Variants in KLRD1 observed in about 807,000 individuals in gnomAD.
KLRD1 encodes the protein natural killer cells antigen CD94.
In KLRD1, 21 loss-of-function variants were observed where a neutral mutation model predicts 22.6. The observed-to-expected ratio is 0.93, with a 90% CI of 0.66 to 1.34. KLRD1 has a LOEUF of 1.34. KLRD1 is among the 40% of genes most tolerant of loss of function. The pLI is 0.00. For synonymous variants in KLRD1, 59 were observed against 71.1 expected, an observed-to-expected ratio of 0.83 and a Z score of 0.85; for missense variants, 183 against 208.6, an observed-to-expected ratio of 0.88 and a Z score of 0.76.
chr12:10,296,444 A>T (rs1949822275), intron 1 of KLRD1, among the ~76,000 whole-genome samples: 1 of 151,920 alleles, frequency 6.6e-6, no homozygotes, highest in Admixed American at 6.6e-5. Flanking sequence ...TGAACCCGGG[A>T]GGTGGAGCTT....
intron 4 of KLRD1, among the ~76,000 whole-genome samples, chr12:10,312,540 A>G (rs889360641): frequency 5.3e-5 from 8 of 150,772 alleles, no homozygotes; most frequent in Admixed American, 3.3e-4. Flanking sequence ...AACCACGCCC[A>G]GTTAATTTTG....
At chr12:10,309,787 T>A in intron 3 of KLRD1, 99 bp downstream of exon 3, 1 of 825,014 alleles carries the variant, frequency 1.2e-6, no homozygotes, top group Non-Finnish European at 2.0e-6. Flanking sequence ...TTATACTTAG[T>A]AATAGAAATT....
rs929664422 is a variant in KLRD1, at chr12:10,309,376, C to G, written c.8-12C>G. The G allele has an allele frequency of 7.8e-7, 1 of 1,280,510 alleles. No homozygotes were observed. 79.3% of individuals were successfully genotyped at this position (1,280,510 alleles called of 1,614,324 possible). ...CTCTTTAAGTCATTACTCTGTCTGTCTTTCTCTACAGTGTTTAAGACCACT... is the reference window on the plus strand; with the variant it reads ...CTCTTTAAGTCATTACTCTGTCTGTGTTTCTCTACAGTGTTTAAGACCACT... On this transcript the variant is annotated splice_polypyrimidine_tract_variant and intron_variant, in intron 1 of 5. Coordinates refer to ENST00000336164, the MANE Select transcript of KLRD1 (RefSeq NM_002262.5).
rs1339343485 is a variant in KLRD1 at position 10,326,827 on chromosome 12, C to G, written c.*12034C>G. 2 of 152,168 alleles carry G rather than the reference C, an allele frequency of 1.3e-5. No homozygotes were observed. The highest frequency in any genetic ancestry group is 4.8e-5 in the African/African-American group (2 of 41,432). 9.4% of individuals were successfully genotyped at this position (152,168 alleles called of 1,614,324 possible). ...CAGTTTTGCCCTAAGCAGTTCCCAG[C>G]TTGAATTTTCCCTTTTGTTGAGTGA... On this transcript the variant is annotated 3_prime_UTR_variant, in exon 6 of 6. Coordinates refer to ENST00000336164, the MANE Select transcript of KLRD1 (RefSeq NM_002262.5).
intron 1 of KLRD1, among the ~76,000 whole-genome samples, chr12:10,299,309 T>A (rs527892112): frequency 2.4e-4 from 37 of 152,280 alleles, no homozygotes; most frequent in African/African-American, 6.7e-4. Context: ...GCTATCTCTT[T>A]TAAAGGAAAT....
chr12:10,313,443 A>G lies in KLRD1; in HGVS notation c.349A>G (p.Ile117Val), dbSNP rs1950145966. The G allele has an allele frequency of 6.2e-7, 1 of 1,607,764 alleles. No homozygotes were observed. Among genetic ancestry groups the G allele is most frequent in the Non-Finnish European group, 8.5e-7 (1 of 1,176,726 alleles). The change falls in exon 5 of 6, where the codon ATT (isoleucine) becomes GTT (valine). Residue 117 changes from isoleucine (I) to valine (V), a missense_variant. Coordinates refer to ENST00000336164, the MANE Select transcript of KLRD1 (RefSeq NM_002262.5). The stretch of plus-strand genomic sequence containing the variant: ...GAGCTCCAGTCAACAATTTTACTGG[A>G]TTGGACTCTCTTACAGTGAGGAGCA... ...FMSSSQQFYW[I>V]GLSYSEEHTA... is the part of the protein sequence containing the mutation.
upstream of KLRD1, among the ~76,000 whole-genome samples, chr12:10,305,819 A>G (rs1949913013): frequency 6.6e-6 from 1 of 152,276 alleles, no homozygotes. Context: ...GATGAGTGGG[A>G]GAGATACAGT....
chr12:10,286,662 CT>C lies in KLRD1; in HGVS notation c.-100-21289del, dbSNP rs747241701. ...TCATCATTTTATTTCGCTTATGGTG[CT>C]TTTTTTTTTTTTTTTTTTTTTTTTT... On this transcript the variant is annotated intron_variant, in intron 1 of 5. Coordinates refer to the KLRD1 transcript ENST00000544747. 8.1e-3 allele frequency among the ~76,000 whole-genome samples: 446 copies of C among 54,762 alleles called. 1 individual carries two copies. Among genetic ancestry groups the C allele is most frequent in the African/African-American group, 0.032 (413 of 12,900 alleles). 35.9% of individuals were successfully genotyped at this position (54,762 alleles called of 152,430 possible). A position where few individuals can be genotyped will look rare whatever the true frequency, so the allele number is the denominator to read the frequency against.
At chr12:10,305,097 T>C (rs1255357403), upstream of KLRD1, among the ~76,000 whole-genome samples, 1 of 152,220 alleles carries the variant, frequency 6.6e-6, no homozygotes, top group Non-Finnish European at 1.5e-5. Context: ...CTTCACTGTT[T>C]ATATGTTAAG....
chr12:10,306,656 G>A (rs955175591), upstream of KLRD1, among the ~76,000 whole-genome samples: 14 of 152,146 alleles, frequency 9.2e-5, no homozygotes, highest in African/African-American at 3.4e-4. Flanking sequence ...TTTCAAGTAA[G>A]CAAAGGATTT....
chr12:10,317,515 G>C lies in KLRD1; in HGVS notation c.*2722G>C, dbSNP rs970081783. ...TGGACAAAGCCCTCTGCAGCATACA[G>C]CATAAACACTATTCCATAAAATCCT... On this transcript the variant is annotated 3_prime_UTR_variant, in exon 6 of 6. Coordinates refer to ENST00000336164, the MANE Select transcript of KLRD1 (RefSeq NM_002262.5). 6.6e-6 allele frequency: 1 copy of C among 152,176 alleles called. No individual in the cohort carries two copies. The highest frequency in any genetic ancestry group is 2.4e-5 in the African/African-American group (1 of 41,440). 9.4% of individuals were successfully genotyped at this position (152,176 alleles called of 1,614,324 possible). A position where few individuals can be genotyped will look rare whatever the true frequency, so the allele number is the denominator to read the frequency against.
upstream of KLRD1, among the ~76,000 whole-genome samples, chr12:10,303,266 A>G (rs77171709): frequency 0.016 from 2,474 of 151,928 alleles, 60 homozygotes; most frequent in African/African-American, 0.056. Context: ...CTTTTCCTTC[A>G]TATTAGGGGA....
chr12:10,239,950 A>G (rs2137607156), intron 1 of KLRD1, among the ~76,000 whole-genome samples: 1 of 152,022 alleles, frequency 6.6e-6, no homozygotes, highest in Non-Finnish European at 1.5e-5. Flanking sequence ...TTCTTAAAAC[A>G]TTTTGCCCAA....
chr12:10,300,829 C>T (rs553030435), upstream of KLRD1, among the ~76,000 whole-genome samples: 18 of 152,366 alleles, frequency 1.2e-4, no homozygotes, highest in African/African-American at 4.3e-4. Context: ...TAACCTGCTA[C>T]AGCTTCTATA....
chr12:10,311,410 G>GA (rs1950065618), intron 3 of KLRD1, 54 bp from the exon 4 acceptor site: 1 of 1,530,722 alleles, frequency 6.5e-7, no homozygotes, highest in Non-Finnish European at 8.9e-7. Flanking sequence ...AAATAGCATT[G>GA]AAAAAAATGT....
At chr12:10,300,652 G>C (rs917634924), upstream of KLRD1, among the ~76,000 whole-genome samples, 1 of 152,168 alleles carries the variant, frequency 6.6e-6, no homozygotes, top group Non-Finnish European at 1.5e-5. Flanking sequence ...CACCTCTGAA[G>C]AGAGACAGCC....
chr12:10,264,230 G>A (rs4483689), intron 1 of KLRD1, among the ~76,000 whole-genome samples: 122,080 of 152,072 alleles, frequency 0.8, 53,575 homozygotes, highest in Non-Finnish European at 0.98. Context: ...TCACAGATAG[G>A]ATTAGCTTAT....
intron 1 of KLRD1, among the ~76,000 whole-genome samples, chr12:10,285,831 T>C (rs1468276868): frequency 1.3e-5 from 2 of 152,196 alleles, no homozygotes; most frequent in African/African-American, 4.8e-5. Context: ...GCTCTAAGTT[T>C]AGTAATGTTT....
At position 10,328,560 on chromosome 12, in the gene KLRD1, G is replaced by A. The variant is rs577452575; in HGVS notation, c.*13767G>A. On this transcript the variant is annotated 3_prime_UTR_variant, in exon 6 of 6. Coordinates refer to ENST00000336164, the MANE Select transcript of KLRD1 (RefSeq NM_002262.5). Reference sequence around the variant, plus strand: ...CTTCTTTTTCTTAGTCTAGCTAAAGGTTTGTCAAGTTATTTATATTTTCCA... The same window carrying A: ...CTTCTTTTTCTTAGTCTAGCTAAAGATTTGTCAAGTTATTTATATTTTCCA... 1.3e-5 allele frequency: 2 copies of A among 151,876 alleles called. No individual in the cohort carries two copies. Among genetic ancestry groups the A allele is most frequent in the African/African-American group, 4.8e-5 (2 of 41,446 alleles). The allele number at this position is 151,876 out of a possible 1,614,324, so 9.4% of individuals were successfully genotyped here.
Sources: gnomAD v4.1 joint callset for allele counts (sites outside exome capture counted in the v4.1 genomes callset) on GRCh38, gnomAD v4.1.1 for gene constraint, MANE v1.5 for transcripts, NCBI Gene and HGNC (gene_info 2026-07-23, HGNC 2026-07-21) for gene names.